Variants in TMCO1 observed in about 807,000 individuals in gnomAD.
The protein encoded by TMCO1 is calcium load-activated calcium channel.
In TMCO1, 29 loss-of-function variants were observed where a neutral mutation model predicts 29.3. The observed-to-expected ratio is 0.99, with a 90% confidence interval of 0.74 to 1.35. The LOEUF is 1.35. Ranked by LOEUF, TMCO1 falls within the 40% of genes most tolerant of loss-of-function variation. The probability of loss-of-function intolerance (pLI) is 0.00; values close to 1 mark genes in which losing one functional copy is unlikely to be tolerated. For missense variants in TMCO1, 173 were observed against 225.5 expected (o/e 0.77, Z 1.49); for synonymous variants, 80 against 77.1 (o/e 1.04, Z -0.20).
intron 5 of TMCO1, among the ~76,000 whole-genome samples, chr1:165,746,202 G>C (rs1176193309): frequency 6.6e-6 from 1 of 151,736 alleles, no homozygotes; most frequent in Non-Finnish European, 1.5e-5. Context: ...CCAGCTACTT[G>C]GGAGGCTGAG....
At position 165,727,056 on chromosome 1, in the gene TMCO1, C is replaced by T. The variant is rs1650923104; in HGVS notation, c.*967G>A. On this transcript the variant is annotated 3_prime_UTR_variant, in exon 7 of 7. Transcript: ENST00000367881. Reference sequence around the variant, plus strand: ...ATTGATAAGACTCCACACAGGACTCCTAATTCCATAGATTATGCGGGGAGG... The same window carrying T: ...ATTGATAAGACTCCACACAGGACTCTTAATTCCATAGATTATGCGGGGAGG... The T allele has an allele frequency of 2.2e-6, 1 of 454,050 alleles. No individual in the cohort carries two copies. Among genetic ancestry groups the T allele is most frequent in the Non-Finnish European group, 4.4e-6 (1 of 226,780 alleles). The allele number at this position is 454,050 out of a possible 1,614,324, so 28.1% of individuals were successfully genotyped here.
intron 5 of TMCO1, among the ~76,000 whole-genome samples, chr1:165,750,476 G>A (rs1188539602): frequency 1.4e-5 from 2 of 146,156 alleles, no homozygotes; most frequent in African/African-American, 2.6e-5. Flanking sequence ...AAGAGGCGGA[G>A]ATAGCAGTGT....
In TMCO1 at chr1:165,736,765, G is replaced by A. The variant is rs926369247; in HGVS notation, c.468+6402C>T. Among the ~76,000 whole-genome samples the A allele has an allele frequency of 2.6e-5, 4 of 152,088 alleles. No individual in the cohort carries two copies. The East Asian group carries it at 7.7e-4, about 29-fold the overall frequency. ...AACAAAAAAAAGAGAACAGGGAATGGAGTCCAAATTCCAAATGTTGGAATT... is the reference window on the plus strand; with the variant it reads ...AACAAAAAAAAGAGAACAGGGAATGAAGTCCAAATTCCAAATGTTGGAATT... On this transcript the variant is annotated intron_variant, in intron 6 of 6. Transcript: ENST00000367881.
chr1:165,750,554 A>AG (rs1651957324), intron 5 of TMCO1, among the ~76,000 whole-genome samples: 4 of 129,124 alleles, frequency 3.1e-5, no homozygotes, highest in African/African-American at 1.2e-4. Context: ...AAAAAAAAAG[A>AG]AAAAAAAAAA....
chr1:165,764,364 G>A (rs1652499050), intron 2 of TMCO1, among the ~76,000 whole-genome samples: 1 of 152,202 alleles, frequency 6.6e-6, no homozygotes, highest in East Asian at 1.9e-4. Flanking sequence ...TTGTTGAGGA[G>A]AGAGACATTA....
downstream of TMCO1, chr1:165,724,703 G>C (rs1650780587): frequency 2.2e-6 from 1 of 453,852 alleles, no homozygotes; most frequent in African/African-American, 2.0e-5. Flanking sequence ...GCAATATTCA[G>C]TACCTTACTT....
intron 6 of TMCO1, among the ~76,000 whole-genome samples, chr1:165,735,576 G>A (rs996001992): frequency 1.3e-4 from 20 of 149,314 alleles, no homozygotes; most frequent in African/African-American, 4.5e-4. Context: ...ATGCGGTGGC[G>A]CAGTCTCAGC....
chr1:165,725,177 T>C, downstream of TMCO1: 1 of 451,058 alleles, frequency 2.2e-6, no homozygotes, highest in Non-Finnish European at 4.4e-6. Flanking sequence ...AAGTATATAG[T>C]ACTTTTACTT....
Position 165,727,162 on chromosome 1 carries a change from G to A in TMCO1, c.*861C>T, listed in dbSNP as rs1263293098. On this transcript the variant is annotated 3_prime_UTR_variant, in exon 7 of 7. Coordinates refer to ENST00000367881, the MANE Select transcript of TMCO1 (RefSeq NM_019026.6). ...TATTGTGACTAAAAGGAAGCTCTGC[G>A]AGATTAACAACATATAACTATAACC... 6.6e-6 allele frequency: 3 copies of A among 453,940 alleles called. No individual in the cohort carries two copies. The highest frequency in any genetic ancestry group is 1.6e-5 in the South Asian group (1 of 64,468). The allele number at this position is 453,940 out of a possible 1,614,324, so 28.1% of individuals were successfully genotyped here. A position where few individuals can be genotyped will look rare whatever the true frequency, so the allele number is the denominator to read the frequency against.
At chr1:165,724,937 A>G, downstream of TMCO1, 1 of 452,618 alleles carries the variant, frequency 2.2e-6, no homozygotes, top group Non-Finnish European at 4.4e-6. Context: ...AGGAGCTGAT[A>G]ATTGTCGAAG....
intron 2 of TMCO1, among the ~76,000 whole-genome samples, chr1:165,760,432 CAAAA>C (rs11356353): frequency 1.3e-4 from 17 of 133,572 alleles, no homozygotes; most frequent in African/African-American, 3.0e-4. Context: ...CTCTGTTTCT[CAAAA>C]AAAAAAAAAA....
At position 165,743,325 on chromosome 1, in the gene TMCO1, A is replaced by G; in HGVS notation, c.324-14T>C. 2 of 1,609,828 alleles carry G rather than the reference A, an allele frequency of 1.2e-6. No homozygotes were observed. Among genetic ancestry groups the G allele is most frequent in the Non-Finnish European group, 1.7e-6 (2 of 1,178,890 alleles). Reference sequence around the variant, plus strand: ...CTACCATCAAATCTAAAAGAAAAAAAAAAAAAAAGAATTGTTATCTTTGGA... The same window carrying G: ...CTACCATCAAATCTAAAAGAAAAAAGAAAAAAAAGAATTGTTATCTTTGGA... On this transcript the variant is annotated splice_polypyrimidine_tract_variant and intron_variant, in intron 5 of 6. Transcript: ENST00000367881.
At chr1:165,752,023 T>C in intron 5 of TMCO1, 79 bp downstream of exon 5, 1 of 1,151,238 alleles carries the variant, frequency 8.7e-7, no homozygotes, top group Non-Finnish European at 1.3e-6. Flanking sequence ...TAAAATATTT[T>C]ACCCAAAAAG....
intron 6 of TMCO1, among the ~76,000 whole-genome samples, chr1:165,731,223 G>C (rs1226742663): frequency 6.6e-6 from 1 of 152,092 alleles, no homozygotes; most frequent in Non-Finnish European, 1.5e-5. Context: ...AATAAAAATA[G>C]CTCCTTAAAG....
intron 6 of TMCO1, among the ~76,000 whole-genome samples, chr1:165,740,845 T>C (rs943595453): frequency 6.6e-6 from 1 of 152,198 alleles, no homozygotes; most frequent in Non-Finnish European, 1.5e-5. Flanking sequence ...TCCACCATCT[T>C]ATGATGTAGC....
chr1:165,748,056 A>T (rs944911017), intron 5 of TMCO1, among the ~76,000 whole-genome samples: 1 of 151,730 alleles, frequency 6.6e-6, no homozygotes, highest in African/African-American at 2.4e-5. Flanking sequence ...CTACTCAGGA[A>T]GCTGAGGCAG....
downstream of TMCO1, chr1:165,726,020 C>T: frequency 1.5e-6 from 1 of 687,166 alleles, no homozygotes; most frequent in East Asian, 2.7e-5. Context: ...GCACCAACTT[C>T]AAAGCCTCAG....
At chr1:165,754,190 T>C (rs772058235) in intron 4 of TMCO1, 38 bp downstream of exon 4, 13 of 1,558,152 alleles carry the variant, frequency 8.3e-6, no homozygotes, top group Non-Finnish European at 9.7e-6. Flanking sequence ...CTAAAAATAT[T>C]ATGTGGTTAA....
intron 3 of TMCO1, 101 bp from the exon 4 acceptor site, chr1:165,754,375 C>CA: frequency 1.1e-6 from 1 of 891,896 alleles, no homozygotes; most frequent in Non-Finnish European, 1.9e-6. Flanking sequence ...CACTCTATCT[C>CA]AATATCATTT....
Sources: gnomAD v4.1 joint callset for allele counts (sites outside exome capture counted in the v4.1 genomes callset) on GRCh38, gnomAD v4.1.1 for gene constraint, MANE v1.5 for transcripts, NCBI Gene and HGNC (gene_info 2026-07-23, HGNC 2026-07-21) for gene names.